The following PNKD variants were observed in gnomAD, a reference collection of about 807,000 sequenced individuals.
PNKD encodes the protein probable thioesterase PNKD.
A neutral mutation model predicts 45.3 loss-of-function variants in PNKD; 36 were observed. The ratio of observed to expected loss-of-function variants is 0.80; its 90% CI spans 0.61 to 1.05. The LOEUF (loss-of-function observed/expected upper bound fraction) is 1.05. PNKD is among the 50% of genes least tolerant of loss of function. The probability of loss-of-function intolerance (pLI) is 0.00; values close to 1 mark genes in which losing one functional copy is unlikely to be tolerated. For missense variants in PNKD, 511 were observed against 506.6 expected (o/e 1.01, Z -0.08); for synonymous variants, 197 against 210.1 (o/e 0.94, Z 0.54).
At chr2:218,296,258 G>A (rs1176382732) in intron 2 of PNKD, among the ~76,000 whole-genome samples, 1 of 152,212 alleles carries the variant, frequency 6.6e-6, no homozygotes, top group Non-Finnish European at 1.5e-5. Context: ...TTAACTGGTT[G>A]GTTGTATTTT....
chr2:218,323,301 TG>T, intron 2 of PNKD: 9 of 1,551,336 alleles, frequency 5.8e-6, no homozygotes, highest in Non-Finnish European at 7.8e-6. Context: ...GGCGTGGCAG[TG>T]GGTCGCCGGC....
chr2:218,323,161 C>A (rs1694038398), intron 2 of PNKD: 2 of 1,347,036 alleles, frequency 1.5e-6, no homozygotes, highest in Non-Finnish European at 9.5e-7. Flanking sequence ...GGGGCCACAA[C>A]GCCCCCACGT....
intron 2 of PNKD, among the ~76,000 whole-genome samples, chr2:218,306,490 T>C (rs1170699402): frequency 6.6e-6 from 1 of 152,184 alleles, no homozygotes; most frequent in Non-Finnish European, 1.5e-5. Flanking sequence ...AGGCAAGGTG[T>C]CCTTTCTCTG....
At position 218,315,057 on chromosome 2, in the gene PNKD, T is replaced by TTC. The variant is rs1553667776; in HGVS notation, c.237-24726_237-24725insTC. Among the ~76,000 whole-genome samples the TTC allele has an allele frequency of 9.5e-4, 53 of 55,644 alleles. 1 individual carries two copies. The highest frequency in any genetic ancestry group is 2.2e-3 in the African/African-American group (36 of 16,736). 36.5% of individuals were successfully genotyped at this position (55,644 alleles called of 152,430 possible). A position where few individuals can be genotyped will look rare whatever the true frequency, so the allele number is the denominator to read the frequency against. On this transcript the variant is annotated intron_variant, in intron 2 of 9. Transcript: ENST00000273077. ...CTTTCTTTTTCTTTCTTTCTTTCTT[T>TTC]CTTCCTTCCTTCCTTCCTTTCTTTC...
chr2:218,337,685 C>T (rs537975444), intron 2 of PNKD, among the ~76,000 whole-genome samples: 2 of 152,124 alleles, frequency 1.3e-5, no homozygotes, highest in Non-Finnish European at 1.5e-5. Context: ...TGTTGAACTC[C>T]CATGCGTTGT....
At chr2:218,275,913 G>T in intron 2 of PNKD, 2 of 1,261,354 alleles carry the variant, frequency 1.6e-6, no homozygotes, top group Non-Finnish European at 2.2e-6. Flanking sequence ...GAGAGGAATG[G>T]CCTGCTATGG....
chr2:218,311,123 T>A (rs892138170), intron 2 of PNKD, among the ~76,000 whole-genome samples: 7 of 152,116 alleles, frequency 4.6e-5, no homozygotes, highest in African/African-American at 1.4e-4. Context: ...TGATTGTACA[T>A]CCCTTTTTAA....
At chr2:218,270,683 C>A in intron 1 of PNKD, 81 bp downstream of exon 1, 1 of 456,714 alleles carries the variant, frequency 2.2e-6, no homozygotes, top group Non-Finnish European at 3.8e-6. Context: ...AGCAGGAGGT[C>A]AGGGCTCTTG....
rs909663503 is a variant in PNKD at position 218,345,673 on chromosome 2, T to A, written c.*692T>A. 1 of 152,676 alleles carries A rather than the reference T, an allele frequency of 6.5e-6. No individual in the cohort carries two copies. The highest frequency in any genetic ancestry group is 2.4e-5 in the African/African-American group (1 of 41,470). The allele number at this position is 152,676 out of a possible 1,614,324, so 9.5% of individuals were successfully genotyped here. On this transcript the variant is annotated 3_prime_UTR_variant, in exon 10 of 10. Coordinates refer to ENST00000273077, the MANE Select transcript of PNKD (RefSeq NM_015488.5). ...TGCCAAGGAAACCTCCTCATTGGGC[T>A]AAGGAGACACTGGAGTCTGGAGTGT... is the stretch of plus-strand genomic sequence containing the variant.
At position 218,279,077 on chromosome 2, in the gene PNKD, G is replaced by T. The variant is rs1432039360; in HGVS notation, c.236+7528G>T. The T allele has an allele frequency of 3.7e-6, 6 of 1,614,080 alleles. No individual in the cohort carries two copies. The South Asian group carries it at 6.6e-5, about 18-fold the overall frequency. ...GACAGCCACATTTCTCCTCACAAAGGCGCTGACAGGTTCCCTGTGGGGCAC... is the reference window on the plus strand; with the variant it reads ...GACAGCCACATTTCTCCTCACAAAGTCGCTGACAGGTTCCCTGTGGGGCAC... On this transcript the variant is annotated intron_variant, in intron 2 of 9. Transcript: ENST00000273077.
chr2:218,277,892 C>T (rs1257068035), intron 2 of PNKD: 13 of 1,613,604 alleles, frequency 8.1e-6, no homozygotes, highest in Non-Finnish European at 1.1e-5. Context: ...AGCAGTCTCC[C>T]TCACAGCATC....
intron 2 of PNKD, among the ~76,000 whole-genome samples, chr2:218,310,722 C>A (rs954607192): frequency 6.6e-6 from 1 of 150,540 alleles, no homozygotes; most frequent in Non-Finnish European, 1.5e-5. Flanking sequence ...CTCCTAAGTA[C>A]CTGGGGTTAC....
intron 2 of PNKD, chr2:218,275,899 T>C (rs1691154356): frequency 2.6e-6 from 3 of 1,150,834 alleles, no homozygotes; most frequent in African/African-American, 1.6e-5. Context: ...CTCTGGACAG[T>C]AGTGAGAGGA....
At chr2:218,283,698 TATCTC>T (rs1425318649) in intron 2 of PNKD, among the ~76,000 whole-genome samples, 2 of 152,202 alleles carry the variant, frequency 1.3e-5, no homozygotes, top group Non-Finnish European at 2.9e-5. Context: ...AGGACTGTCT[TATCTC>T]TTCTCTTTTA....
chr2:218,338,353 C>G (rs1362786651), intron 2 of PNKD, among the ~76,000 whole-genome samples: 1 of 150,242 alleles, frequency 6.7e-6, no homozygotes, highest in African/African-American at 2.5e-5. Context: ...CCCAGCTACT[C>G]GGGAGGCTGA....
chr2:218,327,438 G>C (rs900252941), intron 2 of PNKD, among the ~76,000 whole-genome samples: 8 of 152,130 alleles, frequency 5.3e-5, no homozygotes, highest in African/African-American at 1.9e-4. Flanking sequence ...CCTGGCAGGA[G>C]GGGAGCAGGA....
chr2:218,279,486 T>A, intron 2 of PNKD: 1 of 688,902 alleles, frequency 1.5e-6, no homozygotes, highest in Non-Finnish European at 2.3e-6. Context: ...GCGACCCCAG[T>A]GAGATGCCTG....
In PNKD at chr2:218,342,059, C is replaced by A. The variant is rs745486095; in HGVS notation, c.696C>A (p.Gly232=). ...TGGCTACACCTGGCCACACACAAGG[C>A]CATCTGGTCTACCTACTGGATGGGG... ...RALATPGHTQ[G]HLVYLLDGEP... Residue 232 remains glycine (G), a synonymous_variant, in exon 7 of 10, where the codon GGC becomes GGA. Transcript: ENST00000273077. The A allele has an allele frequency of 1.1e-5, 18 of 1,613,136 alleles. No homozygotes were observed. Among genetic ancestry groups the A allele is most frequent in the Non-Finnish European group, 1.4e-5 (17 of 1,179,090 alleles).
At chr2:218,291,299 A>C (rs1217606903) in intron 2 of PNKD, among the ~76,000 whole-genome samples, 1 of 152,090 alleles carries the variant, frequency 6.6e-6, no homozygotes, top group Non-Finnish European at 1.5e-5. Context: ...GATCCTCATG[A>C]CTGGAGAGAC....
Sources: gnomAD v4.1 joint callset for allele counts (sites outside exome capture counted in the v4.1 genomes callset) on GRCh38, gnomAD v4.1.1 for gene constraint, MANE v1.5 for transcripts, NCBI Gene and HGNC (gene_info 2026-07-23, HGNC 2026-07-21) for gene names.